The following SYT3 variants were observed in gnomAD, a reference collection of about 807,000 sequenced individuals.
SYT3 encodes the protein synaptotagmin-3.
SYT3 carries 25 observed loss-of-function variants against 50.6 expected under a neutral mutation model. The ratio of observed to expected loss-of-function variants is 0.49; its 90% CI spans 0.36 to 0.69. The LOEUF (loss-of-function observed/expected upper bound fraction) is 0.69. SYT3 is among the 30% of genes least tolerant of loss of function. The probability of loss-of-function intolerance (pLI) is 0.00; values close to 1 mark genes in which losing one functional copy is unlikely to be tolerated. For synonymous variants in SYT3, 323 were observed against 353.9 expected, an observed-to-expected ratio of 0.91 and a Z score of 0.98; for missense variants, 589 against 793.6, an observed-to-expected ratio of 0.74 and a Z score of 3.10.
rs114483993 is a variant in SYT3 at position 50,638,321 on chromosome 19, C to T, written c.-16+704G>A. ...GAAAGCAGTTGGAGGGTCCAGGGACCAAGGAGGCCAGACTGGGGTAGACGC... is the reference window on the plus strand; with the variant it reads ...GAAAGCAGTTGGAGGGTCCAGGGACTAAGGAGGCCAGACTGGGGTAGACGC... On this transcript the variant is annotated intron_variant, in intron 2 of 10. Transcript: ENST00000600079. 3.9e-3 allele frequency among the ~76,000 whole-genome samples: 588 copies of T among 152,090 alleles called. 3 individuals carry two copies. The highest frequency in any genetic ancestry group is 0.014 in the African/African-American group (575 of 41,488).
the SYT3 span, among the ~76,000 whole-genome samples, chr19:50,653,603 C>T: frequency 2.0e-5 from 3 of 151,076 alleles, no homozygotes; most frequent in East Asian, 1.9e-4. Flanking sequence ...CAGGAGAGCC[C>T]GTTGTGAAAC....
At chr19:50,635,525 G>C (rs1356626826) in intron 3 of SYT3, among the ~76,000 whole-genome samples, 1 of 152,196 alleles carries the variant, frequency 6.6e-6, no homozygotes, top group Non-Finnish European at 1.5e-5. Context: ...TTTGGCCCTT[G>C]ATCAGCTCCC....
intron 6 of SYT3, among the ~76,000 whole-genome samples, 168 bp downstream of exon 6, chr19:50,629,126 T>C (rs538737224): frequency 6.6e-6 from 1 of 152,256 alleles, no homozygotes; most frequent in South Asian, 2.1e-4. Flanking sequence ...CCCGGCTCAT[T>C]CTCTATTCTT....
In SYT3 at chr19:50,632,543, A is replaced by G; in HGVS notation, c.417T>C (p.His139=). Residue 139 remains histidine, a synonymous_variant, in exon 4 of 11, where the codon CAT becomes CAC. Transcript: ENST00000600079. This position sits in a 1 kb window ranked among gnomAD's most constrained non-coding sequence, Gnocchi z 4.7. ...GPHHHAHAAH[H]PPFAELLEPG... ...GCTCCAGCAGCTCAGCAAAGGGTGGATGGTGGGCGGCATGGGCATGGTGGT... is the reference window on the plus strand; with the variant it reads ...GCTCCAGCAGCTCAGCAAAGGGTGGGTGGTGGGCGGCATGGGCATGGTGGT... 6.2e-7 allele frequency: 1 copy of G among 1,604,330 alleles called. No individual in the cohort carries two copies. The highest frequency in any genetic ancestry group is 1.1e-5 in the South Asian group (1 of 90,720).
At chr19:50,646,807 G>T in the SYT3 span, among the ~76,000 whole-genome samples, 12 of 148,104 alleles carry the variant, frequency 8.1e-5, no homozygotes, top group Non-Finnish European at 1.5e-5. Flanking sequence ...ATGTGTGGGA[G>T]GGATTATTTA....
rs774552880 is a variant in SYT3, at chr19:50,625,156, A to G, written c.1707+6T>C. The G allele has an allele frequency of 6.3e-7, 1 of 1,581,538 alleles. No individual in the cohort carries two copies. Among genetic ancestry groups the G allele is most frequent in the Non-Finnish European group, 8.6e-7 (1 of 1,169,526 alleles). ...TGTCAGGGGTCGGTGTGGGACCCCT[A>G]CTCACCTCCACTAGCTGATGCCAGT... On this transcript the variant is annotated splice_donor_region_variant and intron_variant, in intron 9 of 10. Transcript: ENST00000600079. This position sits in a 1 kb window ranked among gnomAD's most constrained non-coding sequence, Gnocchi z 7.5.
upstream of SYT3, among the ~76,000 whole-genome samples, chr19:50,642,603 G>A (rs2123030313): frequency 6.6e-6 from 1 of 152,350 alleles, no homozygotes; most frequent in Middle Eastern, 3.4e-3. Context: ...GGAGGCCGAG[G>A]CTGGCAGATC....
the SYT3 span, chr19:50,649,380 GT>G: frequency 6.7e-7 from 1 of 1,484,188 alleles, no homozygotes; most frequent in South Asian, 1.2e-5. Flanking sequence ...AGGAGCTGGG[GT>G]GGGTGGCCCA....
chr19:50,655,990 TAA>T, the SYT3 span: 5 of 1,489,818 alleles, frequency 3.4e-6, no homozygotes, highest in Non-Finnish European at 4.5e-6. Flanking sequence ...GATGGCCATT[TAA>T]GCAGAATCAT....
At chr19:50,631,409 C>G (rs1984302250) in intron 4 of SYT3, among the ~76,000 whole-genome samples, 1 of 152,028 alleles carries the variant, frequency 6.6e-6, no homozygotes, top group Non-Finnish European at 1.5e-5. Flanking sequence ...AGTGATCTGC[C>G]CACTTCGGCC....
At chr19:50,657,315 A>G in the SYT3 span, among the ~76,000 whole-genome samples, 2 of 152,202 alleles carry the variant, frequency 1.3e-5, no homozygotes, top group Non-Finnish European at 2.9e-5. Flanking sequence ...GGGACTCTCC[A>G]GCCTCCCCTC....
At chr19:50,656,185 C>A in the SYT3 span, 1 of 1,536,112 alleles carries the variant, frequency 6.5e-7, no homozygotes, top group South Asian at 1.2e-5. Context: ...TGGCAGTGAA[C>A]CCTGACCTCA....
the SYT3 span, among the ~76,000 whole-genome samples, chr19:50,647,487 A>G: frequency 2.0e-5 from 3 of 151,276 alleles, no homozygotes; most frequent in African/African-American, 7.3e-5. Flanking sequence ...AGAGTTTGAG[A>G]CCAGCTTGGG....
At chr19:50,627,496 G>C (rs571771072) in intron 6 of SYT3, among the ~76,000 whole-genome samples, 1 of 152,196 alleles carries the variant, frequency 6.6e-6, no homozygotes, top group Admixed American at 6.5e-5. Flanking sequence ...TGAGGTGGGC[G>C]GTTAACCTGA....
At chr19:50,628,948 T>C (rs1984173896) in intron 6 of SYT3, among the ~76,000 whole-genome samples, 1 of 151,530 alleles carries the variant, frequency 6.6e-6, no homozygotes, top group African/African-American at 2.4e-5. Context: ...CTCATCCTCC[T>C]AAGTAGCTGG....
the SYT3 span, among the ~76,000 whole-genome samples, chr19:50,653,573 CGT>C: frequency 6.6e-6 from 1 of 151,748 alleles, no homozygotes; most frequent in Non-Finnish European, 1.5e-5. Flanking sequence ...GTCTACCGCA[CGT>C]GTGTGTGTGA....
At position 50,633,048 on chromosome 19, in the gene SYT3, C is replaced by G. The variant is rs1568416366; in HGVS notation, c.149-237G>C. ...TCAGGCTGGAGTGCAGTGGCATAAT[C>G]ACAGCTCACTGCACCCTCGAACTCT... On this transcript the variant is annotated intron_variant, in intron 3 of 10. Transcript: ENST00000600079. Among the ~76,000 whole-genome samples, 3 of 152,288 alleles carry G rather than the reference C, an allele frequency of 2.0e-5. No individual in the cohort carries two copies. In the South Asian group the frequency reaches 6.2e-4, roughly 32 times the overall value.
chr19:50,650,805 G>A, the SYT3 span, among the ~76,000 whole-genome samples: 4 of 152,352 alleles, frequency 2.6e-5, no homozygotes, highest in Admixed American at 6.5e-5. Flanking sequence ...CAAAACAGGC[G>A]TTGTTTCTCT....
At chr19:50,627,712 G>A (rs1984126055) in intron 6 of SYT3, among the ~76,000 whole-genome samples, 1 of 126,744 alleles carries the variant, frequency 7.9e-6, no homozygotes, top group Non-Finnish European at 1.6e-5. Flanking sequence ...GGGTGACAGA[G>A]AGAGACTCTG....
Sources: allele counts gnomAD v4.1 joint callset (sites outside exome capture counted in the v4.1 genomes callset), GRCh38; gene constraint gnomAD v4.1.1; non-coding constraint Gnocchi (gnomAD v3.1); transcripts MANE v1.5; gene names NCBI Gene and HGNC (gene_info 2026-07-23, HGNC 2026-07-21).